Variants in CWC27 observed in about 807,000 individuals in gnomAD.
CWC27 encodes spliceosome-associated protein CWC27 homolog.
A neutral mutation model predicts 63.6 loss-of-function variants in CWC27; 47 were observed. That is an observed-to-expected ratio of 0.74 (90% CI 0.58 to 0.94). CWC27 has a LOEUF of 0.94. Among genes scored for constraint, CWC27 ranks in the 40% least tolerant of loss-of-function variants. The pLI is 0.00. For missense variants in CWC27, 495 were observed against 554.3 expected, an observed-to-expected ratio of 0.89 and a Z score of 1.07; for synonymous variants, 175 against 179.8, an observed-to-expected ratio of 0.97 and a Z score of 0.22.
At chr5:64,889,038 A>C (rs772276786) in intron 11 of CWC27, among the ~76,000 whole-genome samples, 1 of 152,184 alleles carries the variant, frequency 6.6e-6, no homozygotes, top group Non-Finnish European at 1.5e-5. Context: ...ATCATAATTC[A>C]ATTAGAAAAC....
At chr5:64,965,112 A>G (rs1485785498) in intron 11 of CWC27, among the ~76,000 whole-genome samples, 3 of 152,200 alleles carry the variant, frequency 2.0e-5, no homozygotes, top group Admixed American at 6.5e-5. Context: ...AATAAAAAAC[A>G]TAACTTCTCA....
chr5:64,999,496 A>C (rs1580773605), intron 13 of CWC27, among the ~76,000 whole-genome samples: 1 of 151,612 alleles, frequency 6.6e-6, no homozygotes, highest in Non-Finnish European at 1.5e-5. Flanking sequence ...TCTCCACACC[A>C]CCCTTCCCAG....
At chr5:64,794,371 G>C (rs1242230743) in intron 7 of CWC27, among the ~76,000 whole-genome samples, 1 of 152,048 alleles carries the variant, frequency 6.6e-6, no homozygotes, top group East Asian at 1.9e-4. Flanking sequence ...AAATGTAATA[G>C]GAGTACATGT....
Position 64,792,505 on chromosome 5 carries a change from T to C in CWC27, c.669+3485T>C, listed in dbSNP as rs79624661. 9.0e-3 allele frequency among the ~76,000 whole-genome samples: 1,378 copies of C among 152,284 alleles called. 21 individuals carry two copies. The highest frequency in any genetic ancestry group is 0.031 in the African/African-American group (1,301 of 41,552). ...GTTTTCAACACCTGAAATGCCATCT[T>C]TTCTAAATGTCTTTTCCAGCTTTTA... On this transcript the variant is annotated intron_variant, in intron 7 of 13. Coordinates refer to ENST00000381070, the MANE Select transcript of CWC27 (RefSeq NM_005869.4).
chr5:64,977,252 T>C lies in CWC27; in HGVS notation c.1256+14T>C, dbSNP rs777282795. ...TGATGAAGGATGGTAAGGGCTTTGA[T>C]TTCTGTATATTAACCATGAACAAAT... On this transcript the variant is annotated intron_variant, in intron 13 of 13. Transcript: ENST00000381070. The C allele has an allele frequency of 2.0e-6, 3 of 1,521,154 alleles. No homozygotes were observed. The highest frequency in any genetic ancestry group is 2.7e-6 in the Non-Finnish European group (3 of 1,097,326). 94.2% of individuals were successfully genotyped at this position (1,521,154 alleles called of 1,614,324 possible).
intron 9 of CWC27, among the ~76,000 whole-genome samples, chr5:64,802,409 G>C (rs771741914): frequency 2.0e-5 from 3 of 152,122 alleles, no homozygotes; most frequent in Non-Finnish European, 4.4e-5. Context: ...TGAGGGGTTT[G>C]AGTTTTTTCC....
chr5:64,966,795 A>G (rs779004672), intron 11 of CWC27, among the ~76,000 whole-genome samples: 1 of 152,148 alleles, frequency 6.6e-6, no homozygotes, highest in Non-Finnish European at 1.5e-5. Flanking sequence ...ATTGTCCATA[A>G]GTTGATGCTA....
intron 10 of CWC27, among the ~76,000 whole-genome samples, chr5:64,851,036 A>T (rs559843775): frequency 6.6e-6 from 1 of 152,314 alleles, no homozygotes; most frequent in South Asian, 2.1e-4. Flanking sequence ...AATCAGAAAT[A>T]CCACTTTTAG....
chr5:64,974,277 T>C (rs1194419931), intron 12 of CWC27, among the ~76,000 whole-genome samples: 1 of 151,860 alleles, frequency 6.6e-6, no homozygotes, highest in African/African-American at 2.4e-5. Context: ...TAAGCTATAG[T>C]GTATTAGTCC....
intron 11 of CWC27, among the ~76,000 whole-genome samples, chr5:64,938,509 C>T (rs1748406063): frequency 6.6e-6 from 1 of 152,146 alleles, no homozygotes. Context: ...TGTGGGTAAC[C>T]TGACCTTTCT....
At chr5:64,783,376 A>G (rs1280562075) in intron 3 of CWC27, among the ~76,000 whole-genome samples, 3 of 152,232 alleles carry the variant, frequency 2.0e-5, no homozygotes, top group Non-Finnish European at 4.4e-5. Flanking sequence ...ATTACATAAC[A>G]CAATCATAGT....
chr5:64,974,494 C>G lies in CWC27; in HGVS notation c.1153-2641C>G, dbSNP rs1749189160. ...CATCAGATCTTGTGAGACTTATTCG[C>G]TATCACGAGAATAGCATGGTAAAGA... On this transcript the variant is annotated intron_variant, in intron 12 of 13. Transcript: ENST00000381070. Among the ~76,000 whole-genome samples, 3 of 152,244 alleles carry G rather than the reference C, an allele frequency of 2.0e-5. No homozygotes were observed. In the South Asian group the frequency reaches 6.2e-4, roughly 32 times the overall value.
chr5:64,935,362 C>A (rs1242045314), intron 11 of CWC27, among the ~76,000 whole-genome samples: 3 of 152,160 alleles, frequency 2.0e-5, no homozygotes, highest in South Asian at 4.1e-4. Context: ...AATAGGGAAT[C>A]CTTTCCCCAT....
chr5:64,977,518 AG>A (rs1285553257), intron 13 of CWC27, among the ~76,000 whole-genome samples: 2 of 152,228 alleles, frequency 1.3e-5, no homozygotes, highest in Admixed American at 1.3e-4. Flanking sequence ...CCCAGTTCTA[AG>A]TAACTTTCTA....
At chr5:64,924,542 A>T (rs1748067886) in intron 11 of CWC27, among the ~76,000 whole-genome samples, 1 of 152,222 alleles carries the variant, frequency 6.6e-6, no homozygotes, top group South Asian at 2.1e-4. Flanking sequence ...TTCTAACGGC[A>T]GTCTTCTTTT....
chr5:64,845,983 G>A (rs1375175690), intron 10 of CWC27, among the ~76,000 whole-genome samples: 2 of 152,142 alleles, frequency 1.3e-5, no homozygotes, highest in Non-Finnish European at 2.9e-5. Flanking sequence ...AACAGCAAGA[G>A]ATAATAAACA....
At chr5:64,952,577 G>T (rs1336242330) in intron 11 of CWC27, among the ~76,000 whole-genome samples, 2 of 151,936 alleles carry the variant, frequency 1.3e-5, no homozygotes, top group African/African-American at 2.4e-5. Context: ...CTGGAGAGGG[G>T]TATGGAATCT....
At chr5:64,938,873 A>G (rs551408562) in intron 11 of CWC27, among the ~76,000 whole-genome samples, 294 of 152,268 alleles carry the variant, frequency 1.9e-3, no homozygotes, top group African/African-American at 6.6e-3. Flanking sequence ...AATCTCTGAT[A>G]TCCTTTCTTA....
intron 10 of CWC27, among the ~76,000 whole-genome samples, chr5:64,813,912 T>C (rs548618893): frequency 4.6e-4 from 70 of 152,180 alleles, no homozygotes; most frequent in African/African-American, 1.7e-3. Context: ...TAATTAGTGA[T>C]TTTATTTTTG....
Sources: allele counts gnomAD v4.1 joint callset (sites outside exome capture counted in the v4.1 genomes callset), GRCh38; gene constraint gnomAD v4.1.1; transcripts MANE v1.5; gene names NCBI Gene and HGNC (gene_info 2026-07-23, HGNC 2026-07-21).